PXDNL: variants seen among roughly 807,000 people sequenced by gnomAD.
PXDNL encodes probable oxidoreductase PXDNL.
Under a neutral mutation model 150.8 loss-of-function variants are expected in PXDNL, and 145 were observed. That is an observed-to-expected ratio of 0.96 (90% CI 0.84 to 1.10). The LOEUF (loss-of-function observed/expected upper bound fraction) is 1.10. Ranked by LOEUF, PXDNL falls within the 50% of genes least tolerant of loss-of-function variation. The pLI, the probability that PXDNL is intolerant of heterozygous loss-of-function variation, is 0.00. For synonymous variants in PXDNL, 757 were observed against 725.7 expected (o/e 1.04, Z -0.69); for missense variants, 2,087 against 1,873.9 (o/e 1.11, Z -2.10).
At chr8:51,737,537 T>G (rs1289841528) in intron 1 of PXDNL, among the ~76,000 whole-genome samples, 3 of 152,118 alleles carry the variant, frequency 2.0e-5, no homozygotes, top group Non-Finnish European at 4.4e-5. Context: ...CACTCCCCTT[T>G]CTCCTCTTTC....
At chr8:51,697,312 G>C (rs1816169114) in intron 1 of PXDNL, among the ~76,000 whole-genome samples, 1 of 151,812 alleles carries the variant, frequency 6.6e-6, no homozygotes, top group African/African-American at 2.4e-5. Flanking sequence ...TTTGCGGGGT[G>C]GGGGTGGGTT....
chr8:51,709,859 G>C (rs1387019364), intron 1 of PXDNL, among the ~76,000 whole-genome samples: 1 of 152,040 alleles, frequency 6.6e-6, no homozygotes, highest in Non-Finnish European at 1.5e-5. Context: ...GATTCACAAA[G>C]TTTTGCACAT....
chr8:51,359,967 C>T (rs546004399), intron 19 of PXDNL, among the ~76,000 whole-genome samples: 2 of 149,336 alleles, frequency 1.3e-5, no homozygotes, highest in South Asian at 4.2e-4. Flanking sequence ...TACAAAATGC[C>T]ATTTGTAGAA....
intron 1 of PXDNL, among the ~76,000 whole-genome samples, chr8:51,776,569 C>T (rs2037356062): frequency 6.6e-6 from 1 of 152,130 alleles, no homozygotes; most frequent in African/African-American, 2.4e-5. Flanking sequence ...TTGACTAAAC[C>T]TTATACAGGC....
chr8:51,640,248 C>T (rs375987796), intron 2 of PXDNL, among the ~76,000 whole-genome samples: 4 of 152,036 alleles, frequency 2.6e-5, no homozygotes, highest in South Asian at 2.1e-4. Flanking sequence ...GCCAATATCA[C>T]ACTGAATGGG....
At chr8:51,652,245 G>C (rs1026578871) in intron 2 of PXDNL, among the ~76,000 whole-genome samples, 1 of 152,080 alleles carries the variant, frequency 6.6e-6, no homozygotes, top group African/African-American at 2.4e-5. Context: ...TTTAAAAAAT[G>C]TGTCCTTATT....
Position 51,578,110 on chromosome 8 carries a change from G to GAA in PXDNL, c.308+14515_308+14516dup, listed in dbSNP as rs1156240337. Among the ~76,000 whole-genome samples the GAA allele has an allele frequency of 7.8e-3, 1,052 of 134,356 alleles. 76 individuals carry two copies. Among genetic ancestry groups the GAA allele is most frequent in the African/African-American group, 0.026 (779 of 30,152 alleles). The allele number at this position is 134,356 out of a possible 152,430, so 88.1% of individuals were successfully genotyped here. ...AGAGAAAGAAAGAAAGAAAAAGAAA[G>GAA]AAAGAAAGAAGGAAAGAAAGAAAGA... is the stretch of plus-strand genomic sequence containing the variant. On this transcript the variant is annotated intron_variant, in intron 3 of 22. Transcript: ENST00000356297.
intron 8 of PXDNL, among the ~76,000 whole-genome samples, chr8:51,464,993 C>T (rs568159712): frequency 3.3e-5 from 5 of 152,228 alleles, no homozygotes; most frequent in East Asian, 1.9e-4. Context: ...AGAGCTTGTG[C>T]GAATTCTACT....
intron 5 of PXDNL, among the ~76,000 whole-genome samples, chr8:51,495,052 G>A (rs1811011896): frequency 6.6e-6 from 1 of 152,096 alleles, no homozygotes; most frequent in Admixed American, 6.6e-5. Flanking sequence ...TCAGCAAAAG[G>A]AAAAGAACAG....
Position 51,538,093 on chromosome 8 carries a change from T to C in PXDNL, c.380+18747A>G, listed in dbSNP as rs558446261. On this transcript the variant is annotated intron_variant, in intron 4 of 22. Coordinates refer to ENST00000356297, the MANE Select transcript of PXDNL (RefSeq NM_144651.5). ...GAGGTACTTACAAATAGACGTTTAC[T>C]GATGTGCAGGGAATACGGTGAAATT... Among the ~76,000 whole-genome samples, 75 of 152,362 alleles carry C rather than the reference T, an allele frequency of 4.9e-4. No homozygotes were observed. In the South Asian group the frequency reaches 6.8e-3, roughly 14 times the overall value.
chr8:51,723,160 A>G (rs1273176557), intron 1 of PXDNL, among the ~76,000 whole-genome samples: 4 of 152,050 alleles, frequency 2.6e-5, no homozygotes, highest in African/African-American at 9.7e-5. Context: ...CATCTGGGGG[A>G]AAAATCTATA....
At chr8:51,403,133 T>G (rs1808319601) in intron 17 of PXDNL, among the ~76,000 whole-genome samples, 1 of 149,194 alleles carries the variant, frequency 6.7e-6, no homozygotes, top group South Asian at 2.1e-4. Flanking sequence ...AAAGAAACAG[T>G]GTGATTCTTG....
chr8:51,765,392 C>CAG (rs1237865530), intron 1 of PXDNL, among the ~76,000 whole-genome samples: 1 of 152,162 alleles, frequency 6.6e-6, no homozygotes. Flanking sequence ...GAGGCCTCCC[C>CAG]AGCCACGCAG....
rs369187025 is a variant in PXDNL, at chr8:51,644,321, CAT to C, written c.236+10366_236+10367del. Among the ~76,000 whole-genome samples the C allele has an allele frequency of 6.4e-3, 356 of 55,880 alleles. 12 individuals carry two copies. Among genetic ancestry groups the C allele is most frequent in the African/African-American group, 0.013 (326 of 24,182 alleles). 36.7% of individuals were successfully genotyped at this position (55,880 alleles called of 152,430 possible). ...ACCCTGTAGCAAAGGCACATTTTTACATATATATATATATATACACACACACA... is the reference window on the plus strand; with the variant it reads ...ACCCTGTAGCAAAGGCACATTTTTACATATATATATATATACACACACACA... On this transcript the variant is annotated intron_variant, in intron 2 of 22. Transcript: ENST00000356297.
chr8:51,564,321 G>T (rs1337151489), intron 3 of PXDNL, among the ~76,000 whole-genome samples: 2 of 151,888 alleles, frequency 1.3e-5, no homozygotes, highest in African/African-American at 4.8e-5. Context: ...TTGTGGGTTA[G>T]AAAAAGGGAT....
intron 1 of PXDNL, among the ~76,000 whole-genome samples, chr8:51,804,099 G>C (rs1046173488): frequency 6.6e-6 from 1 of 152,222 alleles, no homozygotes; most frequent in African/African-American, 2.4e-5. Flanking sequence ...ATACATTTTA[G>C]GGAGACATGA....
intron 1 of PXDNL, among the ~76,000 whole-genome samples, chr8:51,668,542 G>A (rs1220526450): frequency 2.6e-5 from 4 of 152,114 alleles, no homozygotes; most frequent in Non-Finnish European, 5.9e-5. Context: ...GCACTCTTAC[G>A]AGAAGGATTT....
intron 1 of PXDNL, among the ~76,000 whole-genome samples, chr8:51,742,714 G>A (rs982609329): frequency 6.6e-6 from 1 of 151,944 alleles, no homozygotes; most frequent in Non-Finnish European, 1.5e-5. Context: ...GATGGCAGAA[G>A]TGAAGCCAGA....
Position 51,707,262 on chromosome 8 carries a change from T to C in PXDNL, c.165-52502A>G, listed in dbSNP as rs180677523. 5.3e-4 allele frequency among the ~76,000 whole-genome samples: 81 copies of C among 152,296 alleles called. No homozygotes were observed. In the East Asian group the frequency reaches 0.013, roughly 25 times the overall value. ...ACAAGCAGTTCATCATGTGAGGAAA[T>C]TCACATTTAGACAAGCATGCTTTCA... On this transcript the variant is annotated intron_variant, in intron 1 of 22. Transcript: ENST00000356297.
Sources: allele counts gnomAD v4.1 joint callset (sites outside exome capture counted in the v4.1 genomes callset), GRCh38; gene constraint gnomAD v4.1.1; transcripts MANE v1.5; gene names NCBI Gene and HGNC (gene_info 2026-07-23, HGNC 2026-07-21).